FAM193A: variants seen among roughly 807,000 people sequenced by gnomAD.
FAM193A encodes family with sequence similarity 193 member A.
A neutral mutation model predicts 126.5 loss-of-function variants in FAM193A; 22 were observed. The ratio of observed to expected loss-of-function variants is 0.17; its 90% CI spans 0.12 to 0.25. The LOEUF (loss-of-function observed/expected upper bound fraction) is 0.25, where lower values mean the gene tolerates loss of function less well. Ranked by LOEUF, FAM193A falls within the 10% of genes least tolerant of loss-of-function variation. The pLI, the probability that FAM193A is intolerant of heterozygous loss-of-function variation, is 1.00. For synonymous variants in FAM193A, 761 were observed against 646.8 expected, an observed-to-expected ratio of 1.18 and a Z score of -2.68; for missense variants, 1,675 against 1,672.8, an observed-to-expected ratio of 1.00 and a Z score of -0.02.
intron 2 of FAM193A, among the ~76,000 whole-genome samples, chr4:2,608,870 A>G (rs967500442): frequency 2.0e-5 from 3 of 151,156 alleles, no homozygotes; most frequent in Admixed American, 6.6e-5. Flanking sequence ...CTTTAAAATA[A>G]TGTTGTTAAT....
intron 1 of FAM193A, among the ~76,000 whole-genome samples, chr4:2,574,006 C>T (rs1739441247): frequency 6.6e-6 from 1 of 152,094 alleles, no homozygotes; most frequent in Admixed American, 6.6e-5. Context: ...GCTCAGGGGA[C>T]AAATATGAAA....
At chr4:2,690,606 A>G in intron 14 of FAM193A, 92 bp from the exon 15 acceptor site, 2 of 1,175,584 alleles carry the variant, frequency 1.7e-6, no homozygotes, top group African/African-American at 1.5e-5. Flanking sequence ...TAGCACCCCC[A>G]GTATCAAGTG....
At chr4:2,542,130 C>T (rs1737274450) in intron 1 of FAM193A, among the ~76,000 whole-genome samples, 1 of 152,076 alleles carries the variant, frequency 6.6e-6, no homozygotes, top group Non-Finnish European at 1.5e-5. Context: ...ATTCTTTTGC[C>T]TCAGCCTCCT....
chr4:2,726,064 A>G (rs889599825), intron 20 of FAM193A, among the ~76,000 whole-genome samples: 2 of 151,396 alleles, frequency 1.3e-5, no homozygotes, highest in African/African-American at 4.9e-5. Context: ...ACGCCTGGCA[A>G]TTTTTTTTGT....
chr4:2,659,478 C>A, intron 8 of FAM193A, 80 bp from the exon 9 acceptor site: 1 of 965,720 alleles, frequency 1.0e-6, no homozygotes, highest in Non-Finnish European at 1.6e-6. Flanking sequence ...TGATACATGT[C>A]AGCAGAATTA....
Position 2,543,884 on chromosome 4 carries a change from A to AAC in FAM193A, c.255+6715_255+6716insCA, listed in dbSNP as rs1376381880. On this transcript the variant is annotated intron_variant, in intron 1 of 20. Coordinates refer to ENST00000637812, the MANE Select transcript of FAM193A (RefSeq NM_001366318.2). ...GACATTGTCTCAAAAAAAAAAAAAA[A>AAC]AAAAAAAAAAACCAAAAAATTAGCC... Among the ~76,000 whole-genome samples, 30 of 151,172 alleles carry AAC rather than the reference A, an allele frequency of 2.0e-4. 1 individual carries two copies. In the Admixed American group the frequency reaches 2.0e-3, roughly 10 times the overall value.
chr4:2,622,541 G>T (rs561561015), intron 2 of FAM193A, among the ~76,000 whole-genome samples: 29 of 152,282 alleles, frequency 1.9e-4, no homozygotes, highest in African/African-American at 7.0e-4. Flanking sequence ...CTTTCTTGTT[G>T]GTGGCGGGGG....
chr4:2,731,155 C>T (rs918630733), intron 20 of FAM193A, among the ~76,000 whole-genome samples: 1 of 135,408 alleles, frequency 7.4e-6, no homozygotes, highest in Non-Finnish European at 1.5e-5. Context: ...GAGATTGTGC[C>T]ATTGCACTCT....
intron 13 of FAM193A, among the ~76,000 whole-genome samples, chr4:2,678,956 T>C (rs962679230): frequency 5.9e-5 from 9 of 152,248 alleles, no homozygotes; most frequent in African/African-American, 1.4e-4. Flanking sequence ...TTTCTAATAC[T>C]GTGTTGAAGA....
intron 19 of FAM193A, among the ~76,000 whole-genome samples, chr4:2,709,740 T>G (rs1205973435): frequency 6.6e-6 from 1 of 150,672 alleles, no homozygotes; most frequent in African/African-American, 2.5e-5. Flanking sequence ...CACAGGAAAT[T>G]TTCTTGTTTT....
At chr4:2,639,609 G>T in intron 5 of FAM193A, 126 bp from the exon 6 acceptor site, 1 of 636,282 alleles carries the variant, frequency 1.6e-6, no homozygotes, top group African/African-American at 1.9e-5. Context: ...AACACTCTGG[G>T]CCTGTGAAGA....
chr4:2,710,161 G>GTTTTTTTTTTTTTTCTTTTTT (rs1718757701), intron 19 of FAM193A, among the ~76,000 whole-genome samples: 1 of 91,822 alleles, frequency 1.1e-5, no homozygotes, highest in Non-Finnish European at 2.1e-5. Flanking sequence ...TTCTTCTTTT[G>GTTTTTTTTTTTTTTCTTTTTT]TTTTTTTTTT....
chr4:2,685,476 T>C (rs2109238338), intron 13 of FAM193A, among the ~76,000 whole-genome samples: 1 of 152,364 alleles, frequency 6.6e-6, no homozygotes, highest in South Asian at 2.1e-4. Context: ...ATCTTCGACC[T>C]GCATGTTCTT....
At chr4:2,578,748 A>G (rs1436509506) in intron 1 of FAM193A, among the ~76,000 whole-genome samples, 1 of 152,196 alleles carries the variant, frequency 6.6e-6, no homozygotes, top group Non-Finnish European at 1.5e-5. Flanking sequence ...GATATTATCT[A>G]CTGTATTCCT....
chr4:2,618,911 T>C (rs1000107258), intron 2 of FAM193A, among the ~76,000 whole-genome samples: 13 of 152,126 alleles, frequency 8.5e-5, no homozygotes, highest in African/African-American at 3.1e-4. Flanking sequence ...TTGTATTTTT[T>C]TGTAGAGGTG....
At chr4:2,566,051 CT>C (rs564664549) in intron 1 of FAM193A, among the ~76,000 whole-genome samples, 299 of 142,374 alleles carry the variant, frequency 2.1e-3, no homozygotes, top group East Asian at 5.7e-3. Context: ...TGGAAAATTG[CT>C]TTTTTTTTTT....
At position 2,583,808 on chromosome 4, in the gene FAM193A, T is replaced by C. The variant is rs764621580; in HGVS notation, c.256-12276T>C. On this transcript the variant is annotated intron_variant, in intron 1 of 20. Transcript: ENST00000637812. Reference sequence around the variant, plus strand: ...CTTAAGATTATGGGCCAGTGTTTGTTCTGTAACCACAGCTCTCCAGCAGGT... The same window carrying C: ...CTTAAGATTATGGGCCAGTGTTTGTCCTGTAACCACAGCTCTCCAGCAGGT... 5.9e-5 allele frequency among the ~76,000 whole-genome samples: 9 copies of C among 152,200 alleles called. 1 individual carries two copies. Among genetic ancestry groups the C allele is most frequent in the Admixed American group, 2.0e-4 (3 of 15,276 alleles).
intron 2 of FAM193A, among the ~76,000 whole-genome samples, chr4:2,599,739 G>GTTT (rs34438355): frequency 4.2e-5 from 6 of 143,908 alleles, no homozygotes; most frequent in Admixed American, 7.0e-5. Context: ...TCTTGCCATA[G>GTTT]TTTTTTTTTT....
At chr4:2,594,203 A>T (rs1009006544) in intron 1 of FAM193A, among the ~76,000 whole-genome samples, 1 of 152,194 alleles carries the variant, frequency 6.6e-6, no homozygotes, top group African/African-American at 2.4e-5. Context: ...TCATTTATAC[A>T]TTCAGCCCCT....
Sources: allele counts gnomAD v4.1 joint callset (sites outside exome capture counted in the v4.1 genomes callset), GRCh38; gene constraint gnomAD v4.1.1; transcripts MANE v1.5; gene names NCBI Gene and HGNC (gene_info 2026-07-23, HGNC 2026-07-21).